SLC2A13: variants seen among roughly 807,000 people sequenced by gnomAD.
SLC2A13 encodes proton myo-inositol cotransporter.
In SLC2A13, 32 loss-of-function variants were observed where a neutral mutation model predicts 64.4. The observed-to-expected ratio is 0.50, with a 90% CI of 0.37 to 0.67. The LOEUF is 0.67. SLC2A13 is among the 30% of genes least tolerant of loss of function. SLC2A13 has a pLI of 0.00. For synonymous variants in SLC2A13, 338 were observed against 327.1 expected, an observed-to-expected ratio of 1.03 and a Z score of -0.36; for missense variants, 743 against 829.2, an observed-to-expected ratio of 0.90 and a Z score of 1.28.
At chr12:40,050,586 A>G (rs1369428528) in intron 1 of SLC2A13, among the ~76,000 whole-genome samples, 1 of 152,216 alleles carries the variant, frequency 6.6e-6, no homozygotes, top group African/African-American at 2.4e-5. Flanking sequence ...GATATTTTAT[A>G]GGGACTAATA....
chr12:39,786,085 T>C (rs570168816), intron 7 of SLC2A13, among the ~76,000 whole-genome samples: 1 of 152,056 alleles, frequency 6.6e-6, no homozygotes. Flanking sequence ...GCATGATTAG[T>C]TTTGAAATGT....
At chr12:40,008,672 G>A (rs1947466491) in intron 3 of SLC2A13, among the ~76,000 whole-genome samples, 1 of 151,406 alleles carries the variant, frequency 6.6e-6, no homozygotes, top group Non-Finnish European at 1.5e-5. Flanking sequence ...ATTGTAAGAT[G>A]ATACCTGAGC....
chr12:39,836,095 T>C (rs968519219), intron 6 of SLC2A13, among the ~76,000 whole-genome samples: 1 of 152,124 alleles, frequency 6.6e-6, no homozygotes, highest in African/African-American at 2.4e-5. Flanking sequence ...GAGCTCTCTT[T>C]GAAATCACAG....
In SLC2A13 at chr12:39,889,849, C is replaced by T. The variant is rs1329263461; in HGVS notation, c.1035-17888G>A. Among the ~76,000 whole-genome samples, 8 of 152,054 alleles carry T rather than the reference C, an allele frequency of 5.3e-5. No homozygotes were observed. The East Asian group carries it at 5.8e-4, about 11-fold the overall frequency. On this transcript the variant is annotated intron_variant, in intron 4 of 9. Coordinates refer to ENST00000280871, the MANE Select transcript of SLC2A13 (RefSeq NM_052885.4). ...CTGGCCATAAACAACCTTTTAAAGG[C>T]CAAATCTCATTTGTTGTTTTTATTA...
At chr12:39,902,936 C>T (rs532944334) in intron 4 of SLC2A13, among the ~76,000 whole-genome samples, 2 of 152,070 alleles carry the variant, frequency 1.3e-5, no homozygotes, top group African/African-American at 2.4e-5. Context: ...TTGAGTTGCA[C>T]ACAAACTGTT....
rs1939980858 is a variant in SLC2A13, at chr12:39,756,839, C to T, written c.*3187G>A. 1.3e-5 allele frequency: 2 copies of T among 151,496 alleles called. No homozygotes were observed. The highest frequency in any genetic ancestry group is 6.6e-5 in the Admixed American group (1 of 15,164). The allele number at this position is 151,496 out of a possible 1,614,324, so 9.4% of individuals were successfully genotyped here. ...AACTTAATATTTAGACTCTTATGTACTAAAATCAGGTTCAGTGGTAAAATT... is the reference window on the plus strand; with the variant it reads ...AACTTAATATTTAGACTCTTATGTATTAAAATCAGGTTCAGTGGTAAAATT... On this transcript the variant is annotated 3_prime_UTR_variant, in exon 10 of 10. Coordinates refer to ENST00000280871, the MANE Select transcript of SLC2A13 (RefSeq NM_052885.4).
chr12:40,063,701 C>G (rs988354375), intron 1 of SLC2A13, among the ~76,000 whole-genome samples: 7 of 152,104 alleles, frequency 4.6e-5, no homozygotes, highest in Non-Finnish European at 1.0e-4. Context: ...GGAAGAATGA[C>G]TCCAACAAGA....
chr12:39,918,645 T>A (rs1945560447), intron 4 of SLC2A13, among the ~76,000 whole-genome samples: 1 of 152,066 alleles, frequency 6.6e-6, no homozygotes, highest in Admixed American at 6.5e-5. Flanking sequence ...ATCACTTGTG[T>A]AAAAGAAATA....
chr12:39,788,448 G>A (rs1941267039), intron 7 of SLC2A13: 1 of 152,126 alleles, frequency 6.6e-6, no homozygotes, highest in Non-Finnish European at 1.5e-5. Context: ...TGGATATACT[G>A]GACAAAGGGA....
chr12:40,094,472 T>C (rs770711744), intron 1 of SLC2A13, among the ~76,000 whole-genome samples: 14 of 152,072 alleles, frequency 9.2e-5, no homozygotes, highest in African/African-American at 2.2e-4. Flanking sequence ...TGGGAGAATA[T>C]GGTGTCCAAA....
chr12:39,835,221 T>C (rs1049661430), intron 6 of SLC2A13, among the ~76,000 whole-genome samples: 1 of 152,038 alleles, frequency 6.6e-6, no homozygotes, highest in Non-Finnish European at 1.5e-5. Context: ...ATTCTAGACT[T>C]CAAAGTTTTC....
At chr12:40,097,324 A>G (rs1253040551) in intron 1 of SLC2A13, among the ~76,000 whole-genome samples, 2 of 152,222 alleles carry the variant, frequency 1.3e-5, no homozygotes, top group Non-Finnish European at 2.9e-5. Context: ...AAGGGGCATG[A>G]CAAATGACTC....
At chr12:39,962,453 G>C (rs1450758145) in intron 3 of SLC2A13, among the ~76,000 whole-genome samples, 1 of 152,090 alleles carries the variant, frequency 6.6e-6, no homozygotes. Flanking sequence ...ATCCCATATA[G>C]AGACAAAAAA....
intron 1 of SLC2A13, among the ~76,000 whole-genome samples, chr12:40,083,461 T>C (rs1938481447): frequency 6.6e-6 from 1 of 152,186 alleles, no homozygotes; most frequent in African/African-American, 2.4e-5. Context: ...CCACACTCTC[T>C]AGACCCCAGG....
intron 4 of SLC2A13, 45 bp from the exon 5 acceptor site, chr12:39,872,006 A>G: frequency 6.9e-7 from 1 of 1,446,424 alleles, no homozygotes; most frequent in Non-Finnish European, 9.2e-7. Context: ...AGTTACCCAA[A>G]GAAACAGGGT....
chr12:39,948,083 A>G (rs1946169503), intron 4 of SLC2A13, among the ~76,000 whole-genome samples: 1 of 152,122 alleles, frequency 6.6e-6, no homozygotes, highest in Non-Finnish European at 1.5e-5. Context: ...TAACACCCTT[A>G]TATTAGGAAA....
At chr12:39,951,180 T>C (rs762511416) in intron 4 of SLC2A13, 77 bp downstream of exon 4, 2 of 1,263,170 alleles carry the variant, frequency 1.6e-6, no homozygotes, top group Non-Finnish European at 2.3e-6. Context: ...AGTATTTACA[T>C]GAAATACTTT....
At chr12:39,860,235 A>T (rs2135915834) in intron 6 of SLC2A13, among the ~76,000 whole-genome samples, 1 of 152,348 alleles carries the variant, frequency 6.6e-6, no homozygotes, top group South Asian at 2.1e-4. Context: ...ATGTAAGTGT[A>T]GGTGTAAGAT....
At chr12:39,938,127 C>A (rs1468808668) in intron 4 of SLC2A13, among the ~76,000 whole-genome samples, 1 of 152,088 alleles carries the variant, frequency 6.6e-6, no homozygotes, top group Non-Finnish European at 1.5e-5. Context: ...TTATAAACTG[C>A]AGTACACAGG....
Sources: gnomAD v4.1 joint callset for allele counts (sites outside exome capture counted in the v4.1 genomes callset) on GRCh38, gnomAD v4.1.1 for gene constraint, MANE v1.5 for transcripts, NCBI Gene and HGNC (gene_info 2026-07-23, HGNC 2026-07-21) for gene names.